ENOX1: variants seen among roughly 807,000 people sequenced by gnomAD.
The protein encoded by ENOX1 is candidate growth-related and time keeping constitutive hydroquinone (NADH) oxidase.
Under a neutral mutation model 82.5 loss-of-function variants are expected in ENOX1, and 42 were observed. That is an observed-to-expected ratio of 0.51 (90% CI 0.40 to 0.66). The LOEUF (loss-of-function observed/expected upper bound fraction) is 0.66. ENOX1 is among the 30% of genes least tolerant of loss of function. The pLI is 0.00. For missense variants in ENOX1, 608 were observed against 811.6 expected (o/e 0.75, Z 3.05); for synonymous variants, 271 against 282.2 (o/e 0.96, Z 0.40).
At chr13:43,535,230 G>A (rs2078405871) in intron 2 of ENOX1, among the ~76,000 whole-genome samples, 1 of 152,072 alleles carries the variant, frequency 6.6e-6, no homozygotes, top group African/African-American at 2.4e-5. Flanking sequence ...TAACTACTAG[G>A]TGCCTGACAC....
intron 1 of ENOX1, among the ~76,000 whole-genome samples, chr13:43,675,695 C>T (rs891673373): frequency 6.6e-6 from 1 of 152,126 alleles, no homozygotes; most frequent in African/African-American, 2.4e-5. Flanking sequence ...TTTTGAAGGT[C>T]ACACAGCAAG....
At chr13:43,785,465 C>G (rs1284215376) in intron 1 of ENOX1, among the ~76,000 whole-genome samples, 1 of 152,206 alleles carries the variant, frequency 6.6e-6, no homozygotes, top group Admixed American at 6.5e-5. Context: ...CCTTTCCATA[C>G]GCACGTATTT....
At chr13:43,650,072 T>G (rs1170818970) in intron 2 of ENOX1, among the ~76,000 whole-genome samples, 2 of 152,142 alleles carry the variant, frequency 1.3e-5, no homozygotes, top group Admixed American at 6.5e-5. Flanking sequence ...GACAACTTCT[T>G]CTACAGCACA....
chr13:43,411,176 C>T (rs996411884), intron 5 of ENOX1, among the ~76,000 whole-genome samples: 7 of 152,146 alleles, frequency 4.6e-5, no homozygotes, highest in African/African-American at 1.4e-4. Context: ...CATTGTTTTT[C>T]AGGTGTTGGT....
At chr13:43,296,690 C>T (rs2046303033) in intron 12 of ENOX1, among the ~76,000 whole-genome samples, 2 of 152,200 alleles carry the variant, frequency 1.3e-5, no homozygotes, top group Admixed American at 1.3e-4. Flanking sequence ...GGACCAGGCA[C>T]GTGGCTCCTC....
chr13:43,736,550 C>T (rs1400943519), intron 1 of ENOX1, among the ~76,000 whole-genome samples: 1 of 152,130 alleles, frequency 6.6e-6, no homozygotes, highest in African/African-American at 2.4e-5. Context: ...AAGATAGGAT[C>T]CTGTGCTAAC....
chr13:43,553,833 T>C lies in ENOX1; in HGVS notation c.-218-69681A>G, dbSNP rs575627279. The stretch of plus-strand genomic sequence containing the variant: ...CGCGATCTCCGCTTACTGCAGCCTC[T>C]GCCTCCCAGGTTCAAGCGATTCTCC... On this transcript the variant is annotated intron_variant, in intron 2 of 16. Coordinates refer to ENST00000690772, the MANE Select transcript of ENOX1 (RefSeq NM_001347969.2). Among the ~76,000 whole-genome samples, 57 of 152,312 alleles carry C rather than the reference T, an allele frequency of 3.7e-4. No homozygotes were observed. In the South Asian group the frequency reaches 0.012, roughly 31 times the overall value.
chr13:43,421,022 G>C (rs1276177261), intron 3 of ENOX1, among the ~76,000 whole-genome samples: 1 of 152,176 alleles, frequency 6.6e-6, no homozygotes, highest in Non-Finnish European at 1.5e-5. Flanking sequence ...TTTCTGATGA[G>C]ATGACTGTAA....
intron 3 of ENOX1, among the ~76,000 whole-genome samples, chr13:43,460,798 A>C (rs1160990476): frequency 3.2e-5 from 1 of 31,566 alleles, no homozygotes; most frequent in African/African-American, 9.7e-5. Context: ...CATCTCAAAA[A>C]AAAAAAAAAA....
At chr13:43,366,378 C>T (rs900757183) in intron 5 of ENOX1, among the ~76,000 whole-genome samples, 1 of 152,064 alleles carries the variant, frequency 6.6e-6, no homozygotes, top group African/African-American at 2.4e-5. Context: ...GGGTTCATGC[C>T]ATTCTCCTGC....
chr13:43,475,682 G>A (rs994697208), intron 3 of ENOX1, among the ~76,000 whole-genome samples: 1 of 151,772 alleles, frequency 6.6e-6, no homozygotes, highest in Non-Finnish European at 1.5e-5. Flanking sequence ...AACCTAGGAA[G>A]GGCTGTGTCA....
At chr13:43,603,548 C>T (rs1309887746) in intron 2 of ENOX1, among the ~76,000 whole-genome samples, 1 of 141,456 alleles carries the variant, frequency 7.1e-6, no homozygotes, top group Non-Finnish European at 1.5e-5. Context: ...TCCCCCCACC[C>T]CACAACAGGC....
chr13:43,293,710 C>T (rs1338330991), intron 12 of ENOX1, among the ~76,000 whole-genome samples: 2 of 152,184 alleles, frequency 1.3e-5, no homozygotes, highest in Admixed American at 1.3e-4. Flanking sequence ...GCTGAACTTA[C>T]CCAAGGGGTC....
At chr13:43,435,612 A>G (rs1434824901) in intron 3 of ENOX1, among the ~76,000 whole-genome samples, 1 of 152,198 alleles carries the variant, frequency 6.6e-6, no homozygotes, top group Non-Finnish European at 1.5e-5. Context: ...CACAACCTAC[A>G]TATTTCATTT....
intron 1 of ENOX1, among the ~76,000 whole-genome samples, chr13:43,715,016 T>C (rs1225383407): frequency 6.6e-6 from 1 of 152,242 alleles, no homozygotes; most frequent in Non-Finnish European, 1.5e-5. Context: ...TGATGGTCGT[T>C]ACATTTTGGC....
intron 2 of ENOX1, among the ~76,000 whole-genome samples, chr13:43,489,402 C>T (rs1476207310): frequency 6.6e-6 from 1 of 152,194 alleles, no homozygotes; most frequent in Non-Finnish European, 1.5e-5. Context: ...CTGAGGCTTA[C>T]AGAGTGCAAG....
At chr13:43,468,958 G>A (rs1044461172) in intron 3 of ENOX1, among the ~76,000 whole-genome samples, 5 of 152,008 alleles carry the variant, frequency 3.3e-5, no homozygotes, top group East Asian at 1.9e-4. Flanking sequence ...GATTTTATAC[G>A]TTGCAACCTC....
intron 12 of ENOX1, among the ~76,000 whole-genome samples, chr13:43,297,707 T>G (rs1290300758): frequency 6.6e-6 from 1 of 152,212 alleles, no homozygotes; most frequent in Non-Finnish European, 1.5e-5. Context: ...TTCATTTCCT[T>G]TTTAACAATT....
intron 2 of ENOX1, among the ~76,000 whole-genome samples, chr13:43,628,261 A>G (rs2083055339): frequency 6.6e-6 from 1 of 152,048 alleles, no homozygotes; most frequent in African/African-American, 2.4e-5. Context: ...ATAATCCCAC[A>G]GGTCTGTGAG....
Sources: allele counts gnomAD v4.1 joint callset (sites outside exome capture counted in the v4.1 genomes callset), GRCh38; gene constraint gnomAD v4.1.1; transcripts MANE v1.5; gene names NCBI Gene and HGNC (gene_info 2026-07-23, HGNC 2026-07-21).